The following POLQ variants were observed in gnomAD, a reference collection of about 807,000 sequenced individuals.
POLQ encodes the protein epididymis secretory sperm binding protein.
Under a neutral mutation model 259.2 loss-of-function variants are expected in POLQ, and 233 were observed. The observed-to-expected ratio is 0.90, with a 90% confidence interval of 0.81 to 1.00. The LOEUF (loss-of-function observed/expected upper bound fraction) is 1.00, where lower values mean the gene tolerates loss of function less well. POLQ is among the 50% of genes least tolerant of loss of function. POLQ has a pLI of 0.00. For synonymous variants in POLQ, 1,025 were observed against 1,048.8 expected, an observed-to-expected ratio of 0.98 and a Z score of 0.44; for missense variants, 2,871 against 3,051.6, an observed-to-expected ratio of 0.94 and a Z score of 1.39.
intron 7 of POLQ, among the ~76,000 whole-genome samples, chr3:121,527,267 G>A (rs2048380424): frequency 1.3e-5 from 2 of 152,100 alleles, no homozygotes; most frequent in Admixed American, 1.3e-4. Flanking sequence ...TCACCATGTT[G>A]TCCAGGCTGG....
Position 121,488,888 on chromosome 3 carries a change from T to C in POLQ, c.4043A>G (p.Asn1348Ser), listed in dbSNP as rs2048038116. The C allele has an allele frequency of 1.2e-6, 2 of 1,614,164 alleles. No individual in the cohort carries two copies. The highest frequency in any genetic ancestry group is 1.7e-6 in the Non-Finnish European group (2 of 1,179,990). The change falls in exon 16 of 30, where the codon AAC becomes AGC. Residue 1348 changes from asparagine (N) to serine (S), a missense_variant. Coordinates refer to ENST00000264233, the MANE Select transcript of POLQ (RefSeq NM_199420.4). ...CTTCTGCATTATCCCTGCTGCCAGG[T>C]TGGTGTCCTTTGCTCCTAGTTTGGC... ...ENAKLGAKDT[N>S]LAAGIMQKSL...
chr3:121,493,608 G>A lies in POLQ; in HGVS notation c.2392C>T (p.Arg798Trp), dbSNP rs753866746. Residue 798 changes from arginine to tryptophan, a missense_variant, in exon 15 of 30, where the codon CGG becomes TGG. Physicochemically the swap from Arg to Trp is moderately radical, Grantham distance 101. Transcript: ENST00000264233. ...GIQRELCDLV[R>W]VSLLNAQRAR... Reference sequence around the variant, plus strand: ...CTCTGAGCATTTAGTAAGGATACCCGAACCAGGTCACACAGCTCCCTCTGG... The same window carrying A: ...CTCTGAGCATTTAGTAAGGATACCCAAACCAGGTCACACAGCTCCCTCTGG... The A allele has an allele frequency of 1.4e-5, 23 of 1,613,890 alleles. No individual in the cohort carries two copies. Among genetic ancestry groups the A allele is most frequent in the African/African-American group, 4.0e-5 (3 of 74,890 alleles).
intron 25 of POLQ, among the ~76,000 whole-genome samples, chr3:121,455,024 T>C (rs371094227): frequency 2.6e-5 from 4 of 152,036 alleles, no homozygotes; most frequent in Non-Finnish European, 4.4e-5. Context: ...GAAATTATAA[T>C]AAACTGTCTC....
At chr3:121,453,472 A>C (rs901254863) in intron 25 of POLQ, among the ~76,000 whole-genome samples, 3 of 152,336 alleles carry the variant, frequency 2.0e-5, no homozygotes, top group Middle Eastern at 3.4e-3. Flanking sequence ...AGCAAAAGGC[A>C]AACAAGTTAA....
At chr3:121,532,138 C>T (rs1327511468) in intron 6 of POLQ, among the ~76,000 whole-genome samples, 1 of 152,092 alleles carries the variant, frequency 6.6e-6, no homozygotes, top group Non-Finnish European at 1.5e-5. Flanking sequence ...TTAATTCTTA[C>T]AATATTCAAG....
At chr3:121,511,809 G>A in intron 10 of POLQ, 78 bp downstream of exon 10, 1 of 1,116,554 alleles carries the variant, frequency 9.0e-7, no homozygotes, top group South Asian at 1.6e-5. Flanking sequence ...AATAAATAAA[G>A]CTAAGATTTT....
chr3:121,497,049 T>G, intron 13 of POLQ, 117 bp from the exon 14 acceptor site: 1 of 1,011,956 alleles, frequency 9.9e-7, no homozygotes, highest in Non-Finnish European at 1.5e-6. Flanking sequence ...TAATACATTG[T>G]GGTGAGATTC....
chr3:121,532,938 T>C, intron 6 of POLQ, 52 bp downstream of exon 6: 1 of 1,150,824 alleles, frequency 8.7e-7, no homozygotes, highest in East Asian at 2.4e-5. Flanking sequence ...TGCTAGAAAA[T>C]GAAATCAAAC....
At chr3:121,491,346 CAAAAAAA>C (rs3045625) in intron 15 of POLQ, among the ~76,000 whole-genome samples, 2 of 77,974 alleles carry the variant, frequency 2.6e-5, no homozygotes, top group African/African-American at 5.6e-5. Flanking sequence ...GAGACTGTCA[CAAAAAAA>C]AAAAAAAAAA....
chr3:121,545,969 TC>T lies in POLQ; in HGVS notation c.-93del. 1 of 1,438,888 alleles carries T rather than the reference TC, an allele frequency of 6.9e-7. No individual in the cohort carries two copies. The highest frequency in any genetic ancestry group is 9.5e-7 in the Non-Finnish European group (1 of 1,053,088). The allele number at this position is 1,438,888 out of a possible 1,614,324, so 89.1% of individuals were successfully genotyped here. Reference sequence around the variant, plus strand: ...GGCCTGGCAACAGCTGCGGACATCTTCCCGCCAGTCTTCAAACTCAAACCTC... The same window carrying T: ...GGCCTGGCAACAGCTGCGGACATCTTCCGCCAGTCTTCAAACTCAAACCTC... On this transcript the variant is annotated 5_prime_UTR_variant, in exon 1 of 30. Coordinates refer to ENST00000264233, the MANE Select transcript of POLQ (RefSeq NM_199420.4).
chr3:121,479,363 T>A (rs1438078553), intron 19 of POLQ, among the ~76,000 whole-genome samples: 1 of 17,698 alleles, frequency 5.7e-5, no homozygotes, highest in Non-Finnish European at 1.2e-4. Flanking sequence ...AAAAAAAAAA[T>A]GTGTGTGTGT....
In POLQ at chr3:121,496,410, C is replaced by T. The variant is rs181763611; in HGVS notation, c.2278+398G>A. On this transcript the variant is annotated intron_variant, in intron 14 of 29. Coordinates refer to ENST00000264233, the MANE Select transcript of POLQ (RefSeq NM_199420.4). The stretch of plus-strand genomic sequence containing the variant: ...CAGGCTGGTCTTGAACTCCTGACCT[C>T]GTGATCCACCCGACTCGGCCTCCCA... Among the ~76,000 whole-genome samples the T allele has an allele frequency of 1.2e-4, 19 of 152,072 alleles. No homozygotes were observed. The East Asian group carries it at 3.3e-3, about 26-fold the overall frequency.
chr3:121,493,831 G>A (rs2048091923), intron 14 of POLQ, 110 bp from the exon 15 acceptor site: 1 of 971,418 alleles, frequency 1.0e-6, no homozygotes, highest in Non-Finnish European at 1.5e-6. Context: ...AAAATTGTAA[G>A]ATTTAACAAG....
intron 25 of POLQ, among the ~76,000 whole-genome samples, chr3:121,451,856 T>A (rs2047680165): frequency 1.3e-5 from 2 of 152,248 alleles, no homozygotes; most frequent in Non-Finnish European, 2.9e-5. Context: ...TTCTGCTGCC[T>A]TTTGTTTGGC....
intron 10 of POLQ, among the ~76,000 whole-genome samples, chr3:121,510,500 C>A (rs1339133696): frequency 5.3e-5 from 8 of 151,796 alleles, no homozygotes; most frequent in Non-Finnish European, 1.0e-4. Flanking sequence ...TGGCATGAAC[C>A]CAAGAGGCGA....
chr3:121,522,269 T>G, intron 7 of POLQ, 120 bp from the exon 8 acceptor site: 2 of 250,630 alleles, frequency 8.0e-6, no homozygotes, highest in Non-Finnish European at 1.6e-5. Context: ...GCATACTATA[T>G]AATCCCCTGG....
chr3:121,432,869 T>A (rs2047507704), intron 29 of POLQ, 49 bp downstream of exon 29: 1 of 1,070,046 alleles, frequency 9.3e-7, no homozygotes, highest in African/African-American at 1.6e-5. Flanking sequence ...GGCCTGACAA[T>A]ACAGTGTCTT....
At position 121,432,935 on chromosome 3, in the gene POLQ, C is replaced by G. The variant is rs368813941; in HGVS notation, c.7642G>C (p.Glu2548Gln). 54 of 1,591,632 alleles carry G rather than the reference C, an allele frequency of 3.4e-5. No homozygotes were observed. Among genetic ancestry groups the G allele is most frequent in the Non-Finnish European group, 4.6e-5 (53 of 1,159,792 alleles). Residue 2548 changes from glutamate (E) to glutamine (Q), a missense_variant, in exon 29 of 30, where the codon GAA becomes CAA. Physicochemically the swap from Glu to Gln is conservative, Grantham distance 29. Transcript: ENST00000264233. Reference sequence around the variant, plus strand: ...AAAAATACCTGAACAACATCTTCTTCTGCCACTTCATATAGGAGTTCATCA... The same window carrying G: ...AAAAATACCTGAACAACATCTTCTTGTGCCACTTCATATAGGAGTTCATCA... ...LHDELLYEVA[E>Q]EDVVQVAQIV...
At position 121,545,860 on chromosome 3, in the gene POLQ, C is replaced by A. The variant is rs1486476011; in HGVS notation, c.18G>T (p.Arg6=). Residue 6 remains arginine (R), a synonymous_variant, in exon 1 of 30, where the codon CGG becomes CGT. Coordinates refer to ENST00000264233, the MANE Select transcript of POLQ (RefSeq NM_199420.4). MNLLR[R]SGKRRRSESG... ...ATTCTGAACGCCGCCGTTTCCCACTCCGACGCAGAAGATTCATGGCAAACT... is the reference window on the plus strand; with the variant it reads ...ATTCTGAACGCCGCCGTTTCCCACTACGACGCAGAAGATTCATGGCAAACT... 1.9e-6 allele frequency: 3 copies of A among 1,613,918 alleles called. No individual in the cohort carries two copies. In the African/African-American group the frequency reaches 4.0e-5, roughly 22 times the overall value.
Sources: gnomAD v4.1 joint callset for allele counts (sites outside exome capture counted in the v4.1 genomes callset) on GRCh38, gnomAD v4.1.1 for gene constraint, MANE v1.5 for transcripts, NCBI Gene and HGNC (gene_info 2026-07-23, HGNC 2026-07-21) for gene names.